KYAT3: variants seen among roughly 807,000 people sequenced by gnomAD.
KYAT3 encodes the protein kynurenine aminotransferase 3.
A neutral mutation model predicts 59.0 loss-of-function variants in KYAT3; 50 were observed. The observed-to-expected ratio is 0.85, with a 90% CI of 0.68 to 1.07. The LOEUF (loss-of-function observed/expected upper bound fraction) is 1.07, where lower values mean the gene tolerates loss of function less well. Ranked by LOEUF, KYAT3 falls within the 50% of genes least tolerant of loss-of-function variation. KYAT3 has a pLI of 0.00. For synonymous variants in KYAT3, 148 were observed against 177.0 expected (o/e 0.84, Z 1.30); for missense variants, 497 against 533.3 (o/e 0.93, Z 0.67).
In KYAT3 at chr1:88,992,604, C is replaced by T. The variant is rs915809702; in HGVS notation, c.-21G>A. 4 of 152,666 alleles carry T rather than the reference C, an allele frequency of 2.6e-5. No homozygotes were observed. The highest frequency in any genetic ancestry group is 4.4e-5 in the Non-Finnish European group (3 of 68,390). 9.5% of individuals were successfully genotyped at this position (152,666 alleles called of 1,614,324 possible). A position where few individuals can be genotyped will look rare whatever the true frequency, so the allele number is the denominator to read the frequency against. On this transcript the variant is annotated 5_prime_UTR_variant, in exon 1 of 14. Coordinates refer to ENST00000260508, the MANE Select transcript of KYAT3 (RefSeq NM_001008661.3). ...ACTCACCTATCCGGTGCGGGAACCTCGCCTCCCTAGGCTCGAGTCCCGACT... is the reference window on the plus strand; with the variant it reads ...ACTCACCTATCCGGTGCGGGAACCTTGCCTCCCTAGGCTCGAGTCCCGACT...
At chr1:88,968,537 G>T in intron 4 of KYAT3, 133 bp downstream of exon 4, 1 of 631,346 alleles carries the variant, frequency 1.6e-6, no homozygotes, top group South Asian at 3.3e-5. Context: ...AAGTTTCTGT[G>T]GTTGCTAGGA....
At chr1:88,968,416 T>G (rs1354116611) in intron 4 of KYAT3, among the ~76,000 whole-genome samples, 1 of 152,172 alleles carries the variant, frequency 6.6e-6, no homozygotes, top group East Asian at 1.9e-4. Context: ...CTTATCGTGT[T>G]GCCATAGGAT....
At position 88,955,142 on chromosome 1, in the gene KYAT3, A is replaced by G; in HGVS notation, c.864+7T>C. 2.5e-6 allele frequency: 4 copies of G among 1,577,646 alleles called. No individual in the cohort carries two copies. The East Asian group carries it at 6.7e-5, about 27-fold the overall frequency. On this transcript the variant is annotated splice_region_variant and intron_variant, in intron 9 of 13. Coordinates refer to ENST00000260508, the MANE Select transcript of KYAT3 (RefSeq NM_001008661.3). ...TTTTTAAGCAATTAAATTCTTACTCATCTTACCTTCCAGCCAGTTACACTG... is the reference window on the plus strand; with the variant it reads ...TTTTTAAGCAATTAAATTCTTACTCGTCTTACCTTCCAGCCAGTTACACTG...
upstream of KYAT3, chr1:88,992,949 G>A: frequency 6.5e-6 from 1 of 153,102 alleles, no homozygotes; most frequent in South Asian, 2.0e-4. Context: ...GGAGGGAAGG[G>A]GTGGGGGCCA....
intron 2 of KYAT3, among the ~76,000 whole-genome samples, chr1:88,975,919 C>T (rs1398491802): frequency 6.6e-6 from 1 of 152,110 alleles, no homozygotes. Flanking sequence ...CCTGTAGTCC[C>T]AGCTACTCAG....
intron 11 of KYAT3, among the ~76,000 whole-genome samples, chr1:88,947,263 A>G (rs1270649037): frequency 6.6e-6 from 1 of 152,138 alleles, no homozygotes; most frequent in East Asian, 1.9e-4. Flanking sequence ...CTCTGCAGGA[A>G]ACCTGCTTGG....
the KYAT3 span, among the ~76,000 whole-genome samples, chr1:88,922,843 ACAGTGATTAGTT>A: frequency 6.6e-6 from 1 of 152,196 alleles, no homozygotes; most frequent in African/African-American, 2.4e-5. Flanking sequence ...CCCATTGGCC[ACAGTGATTAGTT>A]CAGGGATGGG....
intron 8 of KYAT3, among the ~76,000 whole-genome samples, chr1:88,955,795 C>G (rs959635648): frequency 6.6e-6 from 1 of 152,152 alleles, no homozygotes; most frequent in Non-Finnish European, 1.5e-5. Flanking sequence ...GAATCAGAAA[C>G]TCTGGGAGTG....
chr1:88,935,444 G>C (rs1013352130), downstream of KYAT3, among the ~76,000 whole-genome samples: 11 of 152,084 alleles, frequency 7.2e-5, no homozygotes, highest in African/African-American at 2.7e-4. Flanking sequence ...CATTATAGTG[G>C]GAGATGATGA....
Position 88,964,037 on chromosome 1 carries a change from T to C in KYAT3, c.453+792A>G, listed in dbSNP as rs1242294840. Among the ~76,000 whole-genome samples, 3 of 152,184 alleles carry C rather than the reference T, an allele frequency of 2.0e-5. No individual in the cohort carries two copies. In the South Asian group the frequency reaches 6.2e-4, roughly 32 times the overall value. ...GGCCAACATGGCAAAATCCCATCTC[T>C]ACTAAAAATACAAAAATTAGCTGGG... is the stretch of plus-strand genomic sequence containing the variant. On this transcript the variant is annotated intron_variant, in intron 5 of 13. Transcript: ENST00000260508.
chr1:88,941,895 T>G (rs200503377), intron 13 of KYAT3, among the ~76,000 whole-genome samples: 1 of 152,246 alleles, frequency 6.6e-6, no homozygotes, highest in East Asian at 1.9e-4. Flanking sequence ...CAGTTTATGA[T>G]GTACCTAATT....
the KYAT3 span, among the ~76,000 whole-genome samples, chr1:88,927,000 G>A: frequency 5.3e-5 from 8 of 152,124 alleles, no homozygotes; most frequent in Admixed American, 5.2e-4. Flanking sequence ...CCAGCAGCCC[G>A]GACCCATTTC....
At chr1:88,975,072 G>C (rs1213749275) in intron 2 of KYAT3, among the ~76,000 whole-genome samples, 4 of 152,126 alleles carry the variant, frequency 2.6e-5, no homozygotes, top group Non-Finnish European at 5.9e-5. Flanking sequence ...CCACCTTTAA[G>C]AGCTGTAACA....
At chr1:88,962,308 G>A (rs149456179) in intron 5 of KYAT3, among the ~76,000 whole-genome samples, 163 bp from the exon 6 acceptor site, 16 of 152,224 alleles carry the variant, frequency 1.1e-4, no homozygotes, top group Admixed American at 6.5e-5. Context: ...AAGAGACCTC[G>A]GAGACAAACT....
chr1:88,983,945 C>T (rs373735460), intron 2 of KYAT3: 3 of 946,110 alleles, frequency 3.2e-6, no homozygotes, highest in African/African-American at 1.9e-5. Flanking sequence ...AGGACTGAAC[C>T]GCGAAGCCGC....
At chr1:88,958,339 A>G (rs1192350769) in intron 8 of KYAT3, among the ~76,000 whole-genome samples, 1 of 151,874 alleles carries the variant, frequency 6.6e-6, no homozygotes, top group East Asian at 1.9e-4. Flanking sequence ...TAGTTTCTAA[A>G]TAGCCCCGAT....
rs895668588 is a variant in KYAT3, at chr1:88,961,635, C to G, written c.541-129G>C. The G allele has an allele frequency of 2.6e-5, 20 of 769,018 alleles. No individual in the cohort carries two copies. In the Admixed American group the frequency reaches 5.6e-4, roughly 22 times the overall value. 47.6% of individuals were successfully genotyped at this position (769,018 alleles called of 1,614,324 possible). On this transcript the variant is annotated intron_variant, in intron 6 of 13. Transcript: ENST00000260508. ...CAAAGGAAACTGAATAAATTACCAA[C>G]AAATGCTTTCCTGCAGTAGGAACAG...
At position 88,949,214 on chromosome 1, in the gene KYAT3, T is replaced by G. The variant is rs182368089; in HGVS notation, c.1018A>C (p.Asn340His). The G allele has an allele frequency of 6.8e-5, 110 of 1,609,790 alleles. 1 individual carries two copies. The East Asian group carries it at 2.4e-3, about 36-fold the overall frequency. ...KRMDDPECYFNSLPKELEVKR... is the reference protein window; with the variant it reads ...KRMDDPECYFHSLPKELEVKR... Reference sequence around the variant, plus strand: ...ACTTCTAACTCTTTTGGCAAAGAATTAAAGTAACATTCTGGGTCATCCATG... The same window carrying G: ...ACTTCTAACTCTTTTGGCAAAGAATGAAAGTAACATTCTGGGTCATCCATG... Residue 340 changes from asparagine (N) to histidine (H), a missense_variant, in exon 11 of 14, where the codon AAT (asparagine) becomes CAT (histidine). This residue lies in a region of KYAT3 where 469 missense variants were observed against 479.1 expected (regional missense o/e 0.98). Transcript: ENST00000260508.
At chr1:88,939,627 A>C (rs1263116662) in intron 13 of KYAT3, among the ~76,000 whole-genome samples, 1 of 152,120 alleles carries the variant, frequency 6.6e-6, no homozygotes, top group Admixed American at 6.5e-5. Context: ...TGGCAACTCC[A>C]CATATTTTAT....
Sources: allele counts gnomAD v4.1 joint callset (sites outside exome capture counted in the v4.1 genomes callset), GRCh38; gene constraint gnomAD v4.1.1; regional missense constraint gnomAD v4.1.1; transcripts MANE v1.5; gene names NCBI Gene and HGNC (gene_info 2026-07-23, HGNC 2026-07-21).